Variants in MAP3K5 observed in about 807,000 individuals in gnomAD.
The protein encoded by MAP3K5 is mitogen-activated protein kinase kinase kinase 5.
In MAP3K5, 56 loss-of-function variants were observed where a neutral mutation model predicts 158.7. The observed-to-expected ratio is 0.35, with a 90% confidence interval of 0.28 to 0.44. The LOEUF (loss-of-function observed/expected upper bound fraction) is 0.44. Ranked by LOEUF, MAP3K5 falls within the 20% of genes least tolerant of loss-of-function variation. The probability of loss-of-function intolerance (pLI) is 1.00; values close to 1 mark genes in which losing one functional copy is unlikely to be tolerated. For synonymous variants in MAP3K5, 579 were observed against 601.7 expected, an observed-to-expected ratio of 0.96 and a Z score of 0.55; for missense variants, 1,294 against 1,674.8, an observed-to-expected ratio of 0.77 and a Z score of 3.97.
intron 11 of MAP3K5, among the ~76,000 whole-genome samples, chr6:136,648,841 T>C (rs182745139): frequency 3.3e-4 from 51 of 152,368 alleles, no homozygotes; most frequent in Non-Finnish European, 6.3e-4. Context: ...TGCTAGATTA[T>C]GGACATGCTG....
chr6:136,638,430 T>A (rs1777754396), intron 13 of MAP3K5, among the ~76,000 whole-genome samples: 2 of 152,336 alleles, frequency 1.3e-5, no homozygotes, highest in South Asian at 4.1e-4. Flanking sequence ...ATTGACTACA[T>A]GATTTTAGGC....
At chr6:136,729,839 C>A (rs913379363) in intron 1 of MAP3K5, among the ~76,000 whole-genome samples, 2 of 152,196 alleles carry the variant, frequency 1.3e-5, no homozygotes, top group Non-Finnish European at 1.5e-5. Context: ...CTAACACAGA[C>A]AACATGTGGG....
intron 2 of MAP3K5, among the ~76,000 whole-genome samples, chr6:136,714,571 T>C (rs1182462787): frequency 1.3e-5 from 2 of 152,182 alleles, no homozygotes; most frequent in Non-Finnish European, 2.9e-5. Flanking sequence ...TTCCATTATA[T>C]GTATATACCA....
At chr6:136,644,072 G>T (rs1778122848) in intron 11 of MAP3K5, among the ~76,000 whole-genome samples, 1 of 152,116 alleles carries the variant, frequency 6.6e-6, no homozygotes, top group East Asian at 1.9e-4. Context: ...ACCCACCCCT[G>T]AACACAGCAA....
chr6:136,753,122 G>T (rs1783297466), intron 1 of MAP3K5, among the ~76,000 whole-genome samples: 1 of 152,142 alleles, frequency 6.6e-6, no homozygotes, highest in Non-Finnish European at 1.5e-5. Context: ...TTATCTGCCT[G>T]TTTATTGGGT....
At chr6:136,573,140 A>G (rs1774445600) in intron 25 of MAP3K5, among the ~76,000 whole-genome samples, 1 of 152,228 alleles carries the variant, frequency 6.6e-6, no homozygotes, top group Admixed American at 6.5e-5. Context: ...GAATCAATGC[A>G]CTTAATAAAG....
intron 12 of MAP3K5, among the ~76,000 whole-genome samples, chr6:136,641,089 C>T (rs1777908862): frequency 6.6e-6 from 1 of 152,140 alleles, no homozygotes; most frequent in Admixed American, 6.6e-5. Context: ...CTTAAAAATG[C>T]AGCAATAAAT....
intron 18 of MAP3K5, among the ~76,000 whole-genome samples, chr6:136,606,220 G>A (rs750319813): frequency 4.0e-4 from 61 of 152,138 alleles, no homozygotes; most frequent in African/African-American, 1.3e-3. Context: ...GCTTGGTGGC[G>A]GGCACCTATA....
chr6:136,747,908 G>GAAGCCAACTT (rs1412340025), intron 1 of MAP3K5, among the ~76,000 whole-genome samples: 1 of 152,154 alleles, frequency 6.6e-6, no homozygotes, highest in Non-Finnish European at 1.5e-5. Flanking sequence ...AGCATACAAT[G>GAAGCCAACTT]AAGCCAACTT....
chr6:136,782,284 T>TAA (rs1281981987), intron 1 of MAP3K5, among the ~76,000 whole-genome samples: 20 of 75,522 alleles, frequency 2.6e-4, no homozygotes, highest in Admixed American at 4.3e-4. Context: ...CATCTCAAAA[T>TAA]AAAAAAAAAA....
intron 1 of MAP3K5, among the ~76,000 whole-genome samples, chr6:136,734,479 AT>A (rs1396552097): frequency 6.6e-6 from 1 of 151,774 alleles, no homozygotes; most frequent in Non-Finnish European, 1.5e-5. Context: ...GTTGGTAAAA[AT>A]TTCTGTATCG....
chr6:136,618,267 AG>A, intron 15 of MAP3K5, among the ~76,000 whole-genome samples: 1 of 152,348 alleles, frequency 6.6e-6, no homozygotes, highest in East Asian at 1.9e-4. Flanking sequence ...ACACCCCTCC[AG>A]GTTACATGGA....
chr6:136,792,315 TC>T lies in MAP3K5; in HGVS notation c.-159del, dbSNP rs1785118807. ...CCGCCGCCTCCTCTCCGGCGCCCTC[TC>T]CCCCGAGGGCACGCCGCTGCCCGGC... On this transcript the variant is annotated 5_prime_UTR_variant, in exon 1 of 30. Transcript: ENST00000359015. This position sits in a 1 kb window ranked among gnomAD's most constrained non-coding sequence, Gnocchi z 5.7. 2 of 1,009,468 alleles carry T rather than the reference TC, an allele frequency of 2.0e-6. No homozygotes were observed. The highest frequency in any genetic ancestry group is 4.6e-5 in the South Asian group (1 of 21,874). The allele number at this position is 1,009,468 out of a possible 1,614,324, so 62.5% of individuals were successfully genotyped here. A position where few individuals can be genotyped will look rare whatever the true frequency, so the allele number is the denominator to read the frequency against.
chr6:136,744,086 G>C (rs566096784), intron 1 of MAP3K5, among the ~76,000 whole-genome samples: 1 of 152,200 alleles, frequency 6.6e-6, no homozygotes, highest in African/African-American at 2.4e-5. Context: ...TATAATTGTG[G>C]ATACATGTCA....
At chr6:136,588,504 A>T (rs183469981) in intron 23 of MAP3K5, among the ~76,000 whole-genome samples, 30 of 152,348 alleles carry the variant, frequency 2.0e-4, no homozygotes, top group African/African-American at 7.0e-4. Context: ...TGTTTTATAT[A>T]TATGTATAGT....
At chr6:136,749,335 T>G (rs1386463402) in intron 1 of MAP3K5, among the ~76,000 whole-genome samples, 1 of 148,698 alleles carries the variant, frequency 6.7e-6, no homozygotes, top group African/African-American at 2.5e-5. Context: ...ATCATGCTAC[T>G]GCACTCCAGC....
chr6:136,648,164 G>T (rs1409985868), intron 11 of MAP3K5, among the ~76,000 whole-genome samples: 10 of 152,190 alleles, frequency 6.6e-5, no homozygotes, highest in Admixed American at 5.9e-4. Flanking sequence ...TGGCAAGGAA[G>T]TTTTCTGTTA....
intron 15 of MAP3K5, 64 bp from the exon 16 acceptor site, chr6:136,614,350 C>A: frequency 6.4e-7 from 1 of 1,558,418 alleles, no homozygotes; most frequent in Non-Finnish European, 8.7e-7. Context: ...TAAATTTAAA[C>A]AATACAAATG....
intron 25 of MAP3K5, among the ~76,000 whole-genome samples, chr6:136,577,586 C>G (rs1057164821): frequency 1.3e-5 from 2 of 152,232 alleles, no homozygotes; most frequent in African/African-American, 4.8e-5. Flanking sequence ...CAGTGTCCAT[C>G]CCTGGGACAC....
Sources: gnomAD v4.1 joint callset for allele counts (sites outside exome capture counted in the v4.1 genomes callset) on GRCh38, gnomAD v4.1.1 for gene constraint, Gnocchi (gnomAD v3.1) non-coding constraint, MANE v1.5 for transcripts, NCBI Gene and HGNC (gene_info 2026-07-23, HGNC 2026-07-21) for gene names.